PTPN12: variants seen among roughly 807,000 people sequenced by gnomAD.
The protein encoded by PTPN12 is tyrosine-protein phosphatase non-receptor type 12.
PTPN12 carries 29 observed loss-of-function variants against 97.6 expected under a neutral mutation model. The ratio of observed to expected loss-of-function variants is 0.30; its 90% confidence interval spans 0.22 to 0.41. PTPN12 has a LOEUF of 0.41. Ranked by LOEUF, PTPN12 falls within the 10% of genes least tolerant of loss-of-function variation. The pLI, the probability that PTPN12 is intolerant of heterozygous loss-of-function variation, is 1.00. For missense variants in PTPN12, 819 were observed against 926.0 expected, an observed-to-expected ratio of 0.88 and a Z score of 1.50; for synonymous variants, 327 against 300.4, an observed-to-expected ratio of 1.09 and a Z score of -0.91.
intron 1 of PTPN12, among the ~76,000 whole-genome samples, chr7:77,565,981 C>G (rs576858041): frequency 1.3e-5 from 2 of 152,210 alleles, no homozygotes; most frequent in East Asian, 3.9e-4. Flanking sequence ...TACTGAAATA[C>G]TTAAGAAATA....
At chr7:77,599,652 G>T (rs1788131567) in intron 7 of PTPN12, among the ~76,000 whole-genome samples, 1 of 152,070 alleles carries the variant, frequency 6.6e-6, no homozygotes, top group Non-Finnish European at 1.5e-5. Context: ...AATTTCTGTG[G>T]TAGATCAGGC....
chr7:77,638,747 A>G lies in PTPN12; in HGVS notation c.2281+16A>G. ...ACAGATATTGGTAATTTGTTTAATAAATAATTTTTAGTAAGTAGTTAACAC... is the reference window on the plus strand; with the variant it reads ...ACAGATATTGGTAATTTGTTTAATAGATAATTTTTAGTAAGTAGTTAACAC... On this transcript the variant is annotated intron_variant, in intron 17 of 17. Coordinates refer to ENST00000248594, the MANE Select transcript of PTPN12 (RefSeq NM_002835.4). 6.3e-7 allele frequency: 1 copy of G among 1,590,590 alleles called. No homozygotes were observed. Among genetic ancestry groups the G allele is most frequent in the African/African-American group, 1.4e-5 (1 of 73,596 alleles).
intron 8 of PTPN12, among the ~76,000 whole-genome samples, chr7:77,605,203 T>C (rs535888443): frequency 2.6e-5 from 4 of 152,052 alleles, no homozygotes; most frequent in Non-Finnish European, 5.9e-5. Flanking sequence ...ATCAGGAATT[T>C]TAGGTTACAT....
intron 9 of PTPN12, among the ~76,000 whole-genome samples, chr7:77,610,269 A>T (rs973358160): frequency 1.3e-5 from 2 of 152,234 alleles, no homozygotes; most frequent in African/African-American, 4.8e-5. Context: ...ACTGGCCAAT[A>T]GAATAAATTC....
intron 12 of PTPN12, among the ~76,000 whole-genome samples, chr7:77,624,703 T>A (rs1009208373): frequency 2.0e-5 from 3 of 151,452 alleles, no homozygotes; most frequent in Non-Finnish European, 4.4e-5. Context: ...CCTCCCAAAG[T>A]GCTAGGATTA....
intron 1 of PTPN12, chr7:77,537,890 C>T (rs1193520516): frequency 3.6e-6 from 2 of 551,632 alleles, no homozygotes; most frequent in Non-Finnish European, 5.3e-6. Flanking sequence ...AAGGGAGCGG[C>T]CGCGCGGCCG....
At chr7:77,618,401 CAG>C in intron 11 of PTPN12, 77 bp from the exon 12 acceptor site, 1 of 946,230 alleles carries the variant, frequency 1.1e-6, no homozygotes, top group South Asian at 1.9e-5. Flanking sequence ...TTGAAAAGCA[CAG>C]AAACAATTTA....
intron 12 of PTPN12, among the ~76,000 whole-genome samples, chr7:77,620,303 CTAAT>C (rs1788888504): frequency 6.6e-6 from 1 of 152,050 alleles, no homozygotes; most frequent in South Asian, 2.1e-4. Flanking sequence ...CTGTTACTCT[CTAAT>C]AAACAAAAAG....
intron 1 of PTPN12, 31 bp downstream of exon 1, chr7:77,537,676 TTG>T: frequency 1.3e-6 from 2 of 1,558,462 alleles, no homozygotes; most frequent in Non-Finnish European, 1.7e-6. Context: ...TCGCGTTTTC[TTG>T]CCGGCGCCGG....
At chr7:77,625,476 T>TCGCTCGCTCGCTCG (rs1562758666) in intron 12 of PTPN12, among the ~76,000 whole-genome samples, 1 of 27,600 alleles carries the variant, frequency 3.6e-5, no homozygotes, top group Non-Finnish European at 6.2e-5. Flanking sequence ...CTGCTCGCTC[T>TCGCTCGCTCGCTCG]CTCTCTCTCT....
rs1230792939 is a variant in PTPN12, at chr7:77,638,729, T to C, written c.2279T>C (p.Ile760Thr). Residue 760 changes from isoleucine to threonine, a missense_variant and splice_region_variant, in exon 17 of 18, where the codon ATT (isoleucine) becomes ACT (threonine). Ile to Thr is a moderately conservative substitution (Grantham distance 89). Transcript: ENST00000248594. ...GAAAATCCAACAGAAGCCACAGATA[T>C]TGGTAATTTGTTTAATAAATAATTT... Reference protein sequence around the residue: ...ISENPTEATDIGFGNRCGKPK... With the variant: ...ISENPTEATDTGFGNRCGKPK... 6.3e-6 allele frequency: 10 copies of C among 1,594,342 alleles called. No individual in the cohort carries two copies. The highest frequency in any genetic ancestry group is 3.4e-5 in the South Asian group (3 of 87,006).
intron 2 of PTPN12, among the ~76,000 whole-genome samples, chr7:77,573,312 C>G (rs1466910068): frequency 2.0e-5 from 3 of 152,084 alleles, no homozygotes; most frequent in African/African-American, 4.8e-5. Flanking sequence ...TCTTCAAATT[C>G]TAGAGACTGG....
At chr7:77,617,169 G>A (rs1400130641) in intron 11 of PTPN12, among the ~76,000 whole-genome samples, 1 of 152,106 alleles carries the variant, frequency 6.6e-6, no homozygotes, top group South Asian at 2.1e-4. Flanking sequence ...CCTGATTTGC[G>A]TGAGGCACAC....
At chr7:77,604,486 T>C (rs931804037) in intron 8 of PTPN12, among the ~76,000 whole-genome samples, 1 of 152,100 alleles carries the variant, frequency 6.6e-6, no homozygotes, top group African/African-American at 2.4e-5. Context: ...AGTGCTGGGA[T>C]TACAGGCGTG....
chr7:77,593,786 C>T (rs1302765144), intron 6 of PTPN12, among the ~76,000 whole-genome samples: 1 of 152,234 alleles, frequency 6.6e-6, no homozygotes, highest in Non-Finnish European at 1.5e-5. Flanking sequence ...ATTCTGGGCA[C>T]ACTGTGGCCC....
At chr7:77,604,209 C>CATTTTTTTTTTTT (rs1554320981) in intron 8 of PTPN12, among the ~76,000 whole-genome samples, 3 of 52,788 alleles carry the variant, frequency 5.7e-5, no homozygotes, top group Non-Finnish European at 9.3e-5. Flanking sequence ...TTTTTTCTTC[C>CATTTTTTTTTTTT]TTTTTTTTTT....
chr7:77,585,292 A>G (rs1787653575), intron 4 of PTPN12: 1 of 329,418 alleles, frequency 3.0e-6, no homozygotes, highest in Non-Finnish European at 5.4e-6. Flanking sequence ...TAAGATTTAC[A>G]TGATTTAATT....
intron 12 of PTPN12, among the ~76,000 whole-genome samples, chr7:77,625,839 G>A (rs1020762467): frequency 1.3e-5 from 2 of 151,676 alleles, no homozygotes; most frequent in African/African-American, 4.9e-5. Context: ...CAAAGTGCTG[G>A]GATTACAGGC....
At chr7:77,621,098 T>TTTTATTTATTTA (rs368653341) in intron 12 of PTPN12, among the ~76,000 whole-genome samples, 12 of 151,580 alleles carry the variant, frequency 7.9e-5, no homozygotes, top group Non-Finnish European at 5.9e-5. Context: ...TATATTTCAT[T>TTTTATTTATTTA]TTTATTTATT....
Sources: gnomAD v4.1 joint callset for allele counts (sites outside exome capture counted in the v4.1 genomes callset) on GRCh38, gnomAD v4.1.1 for gene constraint, MANE v1.5 for transcripts, NCBI Gene and HGNC (gene_info 2026-07-23, HGNC 2026-07-21) for gene names.